The following NUMB variants were observed in gnomAD, a reference collection of about 807,000 sequenced individuals.
The protein encoded by NUMB is protein numb homolog.
NUMB carries 29 observed loss-of-function variants against 59.7 expected under a neutral mutation model. That is an observed-to-expected ratio of 0.49 (90% CI 0.36 to 0.66). The LOEUF is 0.66. NUMB is among the 30% of genes least tolerant of loss of function. NUMB has a pLI of 0.00. For synonymous variants in NUMB, 288 were observed against 288.2 expected, an observed-to-expected ratio of 1.00 and a Z score of 0.01; for missense variants, 723 against 822.0, an observed-to-expected ratio of 0.88 and a Z score of 1.47.
At chr14:73,375,951 A>G (rs540825314) in intron 2 of NUMB, among the ~76,000 whole-genome samples, 52 of 152,252 alleles carry the variant, frequency 3.4e-4, no homozygotes, top group Non-Finnish European at 6.2e-4. Flanking sequence ...CTACAGCTAC[A>G]TCACACTTAA....
intron 1 of NUMB, among the ~76,000 whole-genome samples, chr14:73,434,580 T>G (rs1386082592): frequency 1.3e-5 from 2 of 152,140 alleles, no homozygotes; most frequent in African/African-American, 2.4e-5. Flanking sequence ...AGAAAGTACC[T>G]CTAGGCTGGG....
chr14:73,318,281 C>A (rs1157082463), intron 5 of NUMB, among the ~76,000 whole-genome samples: 1 of 151,934 alleles, frequency 6.6e-6, no homozygotes, highest in Non-Finnish European at 1.5e-5. Flanking sequence ...TTATAAAATA[C>A]CCAAGATGTT....
chr14:73,394,658 C>G (rs905742105), intron 2 of NUMB, among the ~76,000 whole-genome samples: 1 of 152,154 alleles, frequency 6.6e-6, no homozygotes, highest in East Asian at 1.9e-4. Context: ...TCATCCTAAC[C>G]GAAACTTTGT....
intron 8 of NUMB, among the ~76,000 whole-genome samples, chr14:73,287,736 T>C (rs1247874053): frequency 6.6e-6 from 1 of 152,222 alleles, no homozygotes; most frequent in Admixed American, 6.5e-5. Context: ...ATTGTTTTAA[T>C]AGATTAGTAT....
chr14:73,454,836 G>A (rs1276002791), intron 1 of NUMB, among the ~76,000 whole-genome samples: 1 of 152,106 alleles, frequency 6.6e-6, no homozygotes, highest in Admixed American at 6.5e-5. Context: ...CAATTATGAA[G>A]AATGAACTTT....
At position 73,367,348 on chromosome 14, in the gene NUMB, T is replaced by TATATATAGAGAGAGAG. The variant is rs1555375287; in HGVS notation, c.-100-368_-100-367insCTCTCTCTCTATATAT. On this transcript the variant is annotated intron_variant, in intron 2 of 12. Transcript: ENST00000555238. ...ATATATACATATATATATATATATA[T>TATATATAGAGAGAGAG]AGAGAGAGAGAGAGAGAGAGAGAGA... is the stretch of plus-strand genomic sequence containing the variant. Among the ~76,000 whole-genome samples, 947 of 105,222 alleles carry TATATATAGAGAGAGAG rather than the reference T, an allele frequency of 9.0e-3. 4 individuals are homozygous for TATATATAGAGAGAGAG. The highest frequency in any genetic ancestry group is 0.018 in the African/African-American group (363 of 19,950). The allele number at this position is 105,222 out of a possible 152,430, so 69.0% of individuals were successfully genotyped here. A position where few individuals can be genotyped will look rare whatever the true frequency, so the allele number is the denominator to read the frequency against.
At chr14:73,353,808 T>C (rs924226684) in intron 4 of NUMB, among the ~76,000 whole-genome samples, 2 of 151,960 alleles carry the variant, frequency 1.3e-5, no homozygotes, top group African/African-American at 4.8e-5. Context: ...TGTGCCTCCT[T>C]CTACATACGT....
At chr14:73,288,531 A>T (rs985823466) in intron 8 of NUMB, among the ~76,000 whole-genome samples, 3 of 152,048 alleles carry the variant, frequency 2.0e-5, no homozygotes, top group Non-Finnish European at 2.9e-5. Flanking sequence ...AGCCTGGGCA[A>T]CAAGAGCAAA....
intron 2 of NUMB, among the ~76,000 whole-genome samples, chr14:73,384,601 TC>T (rs1450911584): frequency 6.6e-6 from 1 of 152,202 alleles, no homozygotes; most frequent in Non-Finnish European, 1.5e-5. Flanking sequence ...AGGGTCTGGC[TC>T]TCTCGCCTAC....
intron 6 of NUMB, among the ~76,000 whole-genome samples, chr14:73,302,049 C>T (rs934699762): frequency 6.6e-6 from 1 of 151,948 alleles, no homozygotes. Context: ...CGCCACTGCA[C>T]TCCTGCCTGG....
chr14:73,318,339 G>A (rs1891196162), intron 5 of NUMB, among the ~76,000 whole-genome samples: 1 of 152,108 alleles, frequency 6.6e-6, no homozygotes, highest in African/African-American at 2.4e-5. Flanking sequence ...AGTTATTAAA[G>A]AATAATAATG....
intron 1 of NUMB, among the ~76,000 whole-genome samples, chr14:73,413,832 T>C (rs755717963): frequency 2.8e-4 from 43 of 152,138 alleles, no homozygotes; most frequent in Non-Finnish European, 5.9e-4. Context: ...TCTTTTATTA[T>C]GTATGCTAAA....
intron 2 of NUMB, among the ~76,000 whole-genome samples, chr14:73,394,180 C>T (rs958055948): frequency 3.3e-5 from 5 of 152,088 alleles, no homozygotes; most frequent in Non-Finnish European, 7.4e-5. Flanking sequence ...GTCTCGAACT[C>T]GTGACCTCAG....
intron 2 of NUMB, among the ~76,000 whole-genome samples, chr14:73,374,103 T>C (rs1989330): frequency 0.8 from 121,842 of 152,076 alleles, 49,366 homozygotes; most frequent in African/African-American, 0.92. Context: ...CCCCTGACCT[T>C]AGGTGATCCG....
chr14:73,279,803 G>A (rs560040245), intron 11 of NUMB, among the ~76,000 whole-genome samples: 1 of 152,290 alleles, frequency 6.6e-6, no homozygotes, highest in Admixed American at 6.5e-5. Flanking sequence ...TAATGAAGTA[G>A]GTATAGCATT....
intron 4 of NUMB, among the ~76,000 whole-genome samples, chr14:73,333,632 T>A (rs1427794211): frequency 6.6e-6 from 1 of 152,174 alleles, no homozygotes; most frequent in African/African-American, 2.4e-5. Flanking sequence ...GGACACTAGA[T>A]CCTTATCAGA....
intron 7 of NUMB, among the ~76,000 whole-genome samples, chr14:73,294,950 T>TTAAAAAAAAAAAAAAA (rs1419411157): frequency 4.1e-5 from 1 of 24,386 alleles, no homozygotes; most frequent in Non-Finnish European, 6.3e-5. Context: ...AACCCATCTC[T>TTAAAAAAAAAAAAAAA]AAAAAAAAAA....
chr14:73,283,599 T>C (rs935091924), intron 10 of NUMB, among the ~76,000 whole-genome samples: 4 of 152,334 alleles, frequency 2.6e-5, no homozygotes, highest in Non-Finnish European at 5.9e-5. Context: ...CAACAGATCT[T>C]AGATGTACAC....
At chr14:73,443,502 G>A (rs1595045761) in intron 1 of NUMB, among the ~76,000 whole-genome samples, 1 of 151,764 alleles carries the variant, frequency 6.6e-6, no homozygotes, top group South Asian at 2.1e-4. Context: ...GGCTGAGGCA[G>A]GAAAATTGCT....
Sources: gnomAD v4.1 joint callset for allele counts (sites outside exome capture counted in the v4.1 genomes callset) on GRCh38, gnomAD v4.1.1 for gene constraint, MANE v1.5 for transcripts, NCBI Gene and HGNC (gene_info 2026-07-23, HGNC 2026-07-21) for gene names.